The following MYNN variants were observed in gnomAD, a reference collection of about 807,000 sequenced individuals.
MYNN encodes the protein zinc finger and BTB domain-containing protein 31.
Under a neutral mutation model 57.2 loss-of-function variants are expected in MYNN, and 22 were observed. The ratio of observed to expected loss-of-function variants is 0.38; its 90% CI spans 0.27 to 0.55. The LOEUF is 0.55. Ranked by LOEUF, MYNN falls within the 20% of genes least tolerant of loss-of-function variation. The pLI is 0.71. For missense variants in MYNN, 566 were observed against 723.1 expected, an observed-to-expected ratio of 0.78 and a Z score of 2.49; for synonymous variants, 241 against 257.1, an observed-to-expected ratio of 0.94 and a Z score of 0.60.
At position 169,782,767 on chromosome 3, in the gene MYNN, C is replaced by A; in HGVS notation, c.1399+124C>A. 2 of 692,242 alleles carry A rather than the reference C, an allele frequency of 2.9e-6. No homozygotes were observed. The highest frequency in any genetic ancestry group is 2.9e-5 in the East Asian group (1 of 34,454). 42.9% of individuals were successfully genotyped at this position (692,242 alleles called of 1,614,324 possible). On this transcript the variant is annotated intron_variant, in intron 5 of 7. Transcript: ENST00000349841. This position sits in a 1 kb window ranked among gnomAD's most constrained non-coding sequence, Gnocchi z 4.8. ...AGATATCTGTTTATATTTCTATAAG[C>A]TATGTTTATGATTTTTGCACATATT... is the stretch of plus-strand genomic sequence containing the variant.
intron 2 of MYNN, among the ~76,000 whole-genome samples, chr3:169,775,859 A>T (rs1778324611): frequency 2.0e-5 from 3 of 152,194 alleles, no homozygotes; most frequent in Admixed American, 6.5e-5. Flanking sequence ...TCATGGAAAT[A>T]TACTTATTTA....
In MYNN at chr3:169,780,626, G is replaced by A; in HGVS notation, c.1097G>A (p.Gly366Glu). Residue 366 changes from glycine (G) to glutamate (E), a missense_variant, in exon 4 of 8, where the codon GGA becomes GAA. Around this residue, in one of 4 missense-constraint regions of MYNN, gnomAD observed 123 missense variants for 222.6 expected, o/e 0.55. Transcript: ENST00000349841. ...KPYKCELCDK[G>E]FAQKCQLVFH... is the part of the protein sequence containing the mutation. ...TACAAATGTGAATTGTGTGATAAAG[G>A]ATTTGCTCAGAAATGTCAGCTAGTC... 6.2e-7 allele frequency: 1 copy of A among 1,610,948 alleles called. No homozygotes were observed.
chr3:169,785,418 T>G (rs1051677755), intron 7 of MYNN, among the ~76,000 whole-genome samples: 4 of 151,996 alleles, frequency 2.6e-5, no homozygotes, highest in African/African-American at 9.7e-5. Context: ...ATAGTTCTGG[T>G]ACTCAAAGCA....
At position 169,786,867 on chromosome 3, in the gene MYNN, C is replaced by T; in HGVS notation, c.*189C>T. 5.3e-6 allele frequency: 3 copies of T among 566,308 alleles called. No individual in the cohort carries two copies. The highest frequency in any genetic ancestry group is 9.3e-6 in the Non-Finnish European group (3 of 322,946). The allele number at this position is 566,308 out of a possible 1,614,324, so 35.1% of individuals were successfully genotyped here. A position where few individuals can be genotyped will look rare whatever the true frequency, so the allele number is the denominator to read the frequency against. The stretch of plus-strand genomic sequence containing the variant: ...TTATTTTTGGCTTTATGTCTATACT[C>T]CACAGAGAGCTTTTTAAGTAATGAA... On this transcript the variant is annotated 3_prime_UTR_variant, in exon 8 of 8. Transcript: ENST00000349841.
intron 7 of MYNN, among the ~76,000 whole-genome samples, chr3:169,785,779 T>C (rs1397650400): frequency 6.6e-6 from 1 of 152,054 alleles, no homozygotes; most frequent in Non-Finnish European, 1.5e-5. Flanking sequence ...CAAAATCATG[T>C]CAACACTTTA....
intron 7 of MYNN, among the ~76,000 whole-genome samples, chr3:169,785,655 C>G (rs1778655062): frequency 6.6e-6 from 1 of 151,934 alleles, no homozygotes; most frequent in African/African-American, 2.4e-5. Flanking sequence ...TGTAGAGAGT[C>G]AGTGGGACAA....
Position 169,786,624 on chromosome 3 carries a change from A to G in MYNN, c.1779A>G (p.Ser593=). ...CTACATCAGATACATTGTTGAGGTC[A>G]ACTGTGAATGGGTATTCAGAACCAC... ...QSPTSDTLLR[S]TVNGYSEPQL... Residue 593 remains serine, a synonymous_variant, in exon 8 of 8, where the codon TCA becomes TCG. Coordinates refer to ENST00000349841, the MANE Select transcript of MYNN (RefSeq NM_018657.5). 6.2e-7 allele frequency: 1 copy of G among 1,613,594 alleles called. No individual in the cohort carries two copies. The highest frequency in any genetic ancestry group is 1.1e-5 in the South Asian group (1 of 91,072).
intron 2 of MYNN, 29 bp from the exon 3 acceptor site, chr3:169,778,739 T>C (rs746125870): frequency 6.5e-7 from 1 of 1,546,480 alleles, no homozygotes; most frequent in South Asian, 1.3e-5. Context: ...TTGATCAGAA[T>C]ATTGTCATGT....
At chr3:169,777,538 A>C (rs1398998701) in intron 2 of MYNN, 1 of 151,906 alleles carries the variant, frequency 6.6e-6, no homozygotes, top group African/African-American at 2.4e-5. Flanking sequence ...TCATGTTTTT[A>C]GTGTTAACAC....
At chr3:169,774,144 A>G in intron 1 of MYNN, 121 bp from the exon 2 acceptor site, 4 of 690,286 alleles carry the variant, frequency 5.8e-6, no homozygotes, top group Non-Finnish European at 7.4e-6. Context: ...TTAACCATGT[A>G]TGTTTGATAA....
At chr3:169,776,511 T>G (rs1778344958) in intron 2 of MYNN, among the ~76,000 whole-genome samples, 1 of 152,108 alleles carries the variant, frequency 6.6e-6, no homozygotes, top group Admixed American at 6.5e-5. Flanking sequence ...TATAAAGCAT[T>G]TAGGCATGTA....
chr3:169,779,279 C>G lies in MYNN; in HGVS notation c.778C>G (p.Arg260Gly). ...IVHTVTVKRK[R>G]GKSQPNCALK... ...GCACACTGTTACAGTGAAACGGAAA[C>G]GTGGAAAATCACAGCCAAACTGTGC... The change falls in exon 3 of 8, where the codon CGT (arginine) becomes GGT (glycine). Residue 260 changes from arginine to glycine, a missense_variant. Around this residue, in one of 4 missense-constraint regions of MYNN, gnomAD observed 261 missense variants for 280.8 expected, o/e 0.93. Transcript: ENST00000349841. The G allele has an allele frequency of 6.2e-7, 1 of 1,614,136 alleles. No homozygotes were observed.
chr3:169,781,675 G>T (rs1198996345), intron 4 of MYNN, among the ~76,000 whole-genome samples: 1 of 152,210 alleles, frequency 6.6e-6, no homozygotes, highest in Non-Finnish European at 1.5e-5. Flanking sequence ...AGTGAAGGAA[G>T]TTATTCCAGA....
At chr3:169,778,692 T>A in intron 2 of MYNN, 76 bp from the exon 3 acceptor site, 1 of 1,109,394 alleles carries the variant, frequency 9.0e-7, no homozygotes, top group Non-Finnish European at 1.3e-6. Context: ...TAAAATACAT[T>A]GAAGTATATA....
chr3:169,778,580 G>A (rs545395904), intron 2 of MYNN, 188 bp from the exon 3 acceptor site: 1 of 493,630 alleles, frequency 2.0e-6, no homozygotes, highest in Non-Finnish European at 3.5e-6. Context: ...TTGAAGTTCT[G>A]TAAAATTGGA....
rs1052666237 is a variant in MYNN, at chr3:169,782,922, G to A, written c.1399+279G>A. Among the ~76,000 whole-genome samples the A allele has an allele frequency of 3.3e-5, 5 of 152,076 alleles. No individual in the cohort carries two copies. The highest frequency in any genetic ancestry group is 5.9e-5 in the Non-Finnish European group (4 of 67,980). Reference sequence around the variant, plus strand: ...AAACTTGCATTGAGATGCATTTTGTGACTTTATAAAAACCTTTTCAGCTTC... The same window carrying A: ...AAACTTGCATTGAGATGCATTTTGTAACTTTATAAAAACCTTTTCAGCTTC... On this transcript the variant is annotated intron_variant, in intron 5 of 7. Transcript: ENST00000349841. The surrounding 1 kb of genome is among the most constrained non-coding windows in gnomAD (Gnocchi z 4.8).
At chr3:169,774,642 C>A in intron 2 of MYNN, 81 bp downstream of exon 2, 2 of 1,322,138 alleles carry the variant, frequency 1.5e-6, no homozygotes, top group African/African-American at 1.5e-5. Flanking sequence ...TTTTTCCATT[C>A]ATTCTCTGAA....
At chr3:169,780,972 T>G (rs1423115382) in intron 4 of MYNN, among the ~76,000 whole-genome samples, 1 of 152,056 alleles carries the variant, frequency 6.6e-6, no homozygotes, top group Non-Finnish European at 1.5e-5. Flanking sequence ...AGAAGTAAGA[T>G]CAGAATGGTC....
chr3:169,780,631 G>T lies in MYNN; in HGVS notation c.1102G>T (p.Ala368Ser). The T allele has an allele frequency of 6.2e-7, 1 of 1,611,928 alleles. No homozygotes were observed. Among genetic ancestry groups the T allele is most frequent in the Non-Finnish European group, 8.5e-7 (1 of 1,179,298 alleles). The change falls in exon 4 of 8, where the codon GCT becomes TCT. Residue 368 changes from alanine to serine, a missense_variant. By Grantham distance (99) the Ala-to-Ser change is moderately conservative. This residue lies in a region of MYNN where 123 missense variants were observed against 222.6 expected (regional missense o/e 0.55). Transcript: ENST00000349841. ...YKCELCDKGF[A>S]QKCQLVFHSR... Reference sequence around the variant, plus strand: ...ATGTGAATTGTGTGATAAAGGATTTGCTCAGAAATGTCAGCTAGTCTTCCA... The same window carrying T: ...ATGTGAATTGTGTGATAAAGGATTTTCTCAGAAATGTCAGCTAGTCTTCCA...
Sources: gnomAD v4.1 joint callset for allele counts (sites outside exome capture counted in the v4.1 genomes callset) on GRCh38, gnomAD v4.1.1 for gene constraint, gnomAD v4.1.1 regional missense constraint, Gnocchi (gnomAD v3.1) non-coding constraint, MANE v1.5 for transcripts, NCBI Gene and HGNC (gene_info 2026-07-23, HGNC 2026-07-21) for gene names.